The following SUPT3H variants were observed in gnomAD, a reference collection of about 807,000 sequenced individuals.
The protein encoded by SUPT3H is transcription initiation protein SPT3 homolog.
SUPT3H carries 44 observed loss-of-function variants against 44.3 expected under a neutral mutation model. That is an observed-to-expected ratio of 0.99 (90% confidence interval 0.78 to 1.28). The LOEUF is 1.28. SUPT3H is among the 50% of genes most tolerant of loss of function. SUPT3H has a pLI of 0.00. For missense variants in SUPT3H, 380 were observed against 387.1 expected, an observed-to-expected ratio of 0.98 and a Z score of 0.15; for synonymous variants, 124 against 125.6, an observed-to-expected ratio of 0.99 and a Z score of 0.09.
At chr6:45,117,678 TATGA>T (rs1274863454) in intron 2 of SUPT3H, among the ~76,000 whole-genome samples, 3 of 152,116 alleles carry the variant, frequency 2.0e-5, no homozygotes, top group Non-Finnish European at 4.4e-5. Context: ...GCTCTCAGAA[TATGA>T]ATAAAACTAT....
intron 2 of SUPT3H, among the ~76,000 whole-genome samples, chr6:45,263,599 T>A (rs28583363): frequency 0.23 from 34,547 of 151,990 alleles, 4,613 homozygotes; most frequent in Non-Finnish European, 0.31. Flanking sequence ...TTTACCCACG[T>A]AACAAACCTG....
chr6:44,882,258 T>A (rs1778362752), intron 10 of SUPT3H, among the ~76,000 whole-genome samples: 1 of 152,112 alleles, frequency 6.6e-6, no homozygotes, highest in Admixed American at 6.5e-5. Flanking sequence ...TATAAACACC[T>A]CTACGCAAAT....
chr6:45,285,344 C>T (rs373823895), intron 2 of SUPT3H, among the ~76,000 whole-genome samples: 1 of 152,098 alleles, frequency 6.6e-6, no homozygotes, highest in African/African-American at 2.4e-5. Context: ...CTAGAAAACC[C>T]CACCGTCTCA....
chr6:45,330,297 T>C (rs1787199393), intron 2 of SUPT3H, among the ~76,000 whole-genome samples: 1 of 151,864 alleles, frequency 6.6e-6, no homozygotes, highest in African/African-American at 2.4e-5. Flanking sequence ...TAGACTACAT[T>C]ACAACACATA....
chr6:45,024,302 C>T (rs1173245214), intron 3 of SUPT3H, among the ~76,000 whole-genome samples: 1 of 152,118 alleles, frequency 6.6e-6, no homozygotes, highest in African/African-American at 2.4e-5. Context: ...AATCTGTTCT[C>T]AATTTCACAT....
intron 10 of SUPT3H, among the ~76,000 whole-genome samples, chr6:44,863,988 T>C (rs1174693204): frequency 6.6e-6 from 1 of 151,784 alleles, no homozygotes; most frequent in Non-Finnish European, 1.5e-5. Context: ...GTGGGAATTA[T>C]GGGAGTACAA....
chr6:44,922,955 AG>A (rs1216561314), intron 10 of SUPT3H, among the ~76,000 whole-genome samples: 1 of 152,128 alleles, frequency 6.6e-6, no homozygotes, highest in African/African-American at 2.4e-5. Context: ...TTTCCTTTTC[AG>A]AGTCACTCCA....
chr6:44,891,745 C>T (rs1188184703), intron 10 of SUPT3H, among the ~76,000 whole-genome samples: 1 of 150,984 alleles, frequency 6.6e-6, no homozygotes, highest in Non-Finnish European at 1.5e-5. Flanking sequence ...AATGGTTACA[C>T]TGGTAAATTT....
At chr6:45,103,156 C>A (rs1415908354) in intron 3 of SUPT3H, among the ~76,000 whole-genome samples, 1 of 152,134 alleles carries the variant, frequency 6.6e-6, no homozygotes, top group African/African-American at 2.4e-5. Flanking sequence ...AGAACTCACT[C>A]TGACATATGC....
chr6:45,312,871 T>C (rs1300415446), intron 2 of SUPT3H, among the ~76,000 whole-genome samples: 2 of 152,088 alleles, frequency 1.3e-5, no homozygotes, highest in Non-Finnish European at 2.9e-5. Flanking sequence ...TTCGCCAAGA[T>C]AGACCATATG....
Position 45,067,063 on chromosome 6 carries a change from T to G in SUPT3H, c.186+38859A>C, listed in dbSNP as rs200252134. Among the ~76,000 whole-genome samples the G allele has an allele frequency of 1.2e-4, 17 of 143,472 alleles. No homozygotes were observed. The East Asian group carries it at 3.6e-3, about 30-fold the overall frequency. 94.1% of individuals were successfully genotyped at this position (143,472 alleles called of 152,430 possible). On this transcript the variant is annotated intron_variant, in intron 3 of 10. Coordinates refer to ENST00000371459, the MANE Select transcript of SUPT3H (RefSeq NM_003599.4). Reference sequence around the variant, plus strand: ...CATCACACTACCTGACTTCAAACTATACTATAAGGCTACAGTAACCAAAAC... The same window carrying G: ...CATCACACTACCTGACTTCAAACTAGACTATAAGGCTACAGTAACCAAAAC...
chr6:44,927,657 T>A (rs530769885), intron 10 of SUPT3H, among the ~76,000 whole-genome samples: 2 of 152,214 alleles, frequency 1.3e-5, no homozygotes, highest in Non-Finnish European at 2.9e-5. Context: ...AAGACTTATT[T>A]ATGATGATCA....
At chr6:45,329,875 C>T (rs376230491) in intron 2 of SUPT3H, among the ~76,000 whole-genome samples, 2 of 151,862 alleles carry the variant, frequency 1.3e-5, no homozygotes, top group Admixed American at 6.6e-5. Context: ...AACTACAAGG[C>T]AAGTTTTCAA....
At chr6:45,249,606 G>T (rs983146436) in intron 2 of SUPT3H, among the ~76,000 whole-genome samples, 7 of 152,154 alleles carry the variant, frequency 4.6e-5, no homozygotes, top group Non-Finnish European at 5.9e-5. Context: ...ACAAAGTTCG[G>T]GACCTGAAGG....
chr6:44,976,320 C>T lies in SUPT3H; in HGVS notation c.505-14492G>A, dbSNP rs550614161. Among the ~76,000 whole-genome samples the T allele has an allele frequency of 2.6e-5, 4 of 151,826 alleles. No individual in the cohort carries two copies. In the East Asian group the frequency reaches 7.7e-4, roughly 29 times the overall value. ...TGTAGTAAACGTAAATTCCTAAATA[C>T]TTAAGAAAAAGCAGAAATGTCTACA... On this transcript the variant is annotated intron_variant, in intron 6 of 10. Coordinates refer to ENST00000371459, the MANE Select transcript of SUPT3H (RefSeq NM_003599.4).
chr6:44,997,720 G>T (rs1199346328), intron 6 of SUPT3H, among the ~76,000 whole-genome samples: 1 of 151,754 alleles, frequency 6.6e-6, no homozygotes, highest in African/African-American at 2.4e-5. Context: ...GGGCATTCCA[G>T]AATTTGACAG....
chr6:44,844,570 T>A (rs1771555726), intron 10 of SUPT3H, among the ~76,000 whole-genome samples: 1 of 152,244 alleles, frequency 6.6e-6, no homozygotes, highest in African/African-American at 2.4e-5. Flanking sequence ...AAGGAATGTA[T>A]TATTGATATA....
At position 44,961,822 on chromosome 6, in the gene SUPT3H, C is replaced by G. The variant is rs1393683061; in HGVS notation, c.511G>C (p.Glu171Gln). 1.9e-6 allele frequency: 3 copies of G among 1,606,332 alleles called. No individual in the cohort carries two copies. Among genetic ancestry groups the G allele is most frequent in the Non-Finnish European group, 2.5e-6 (3 of 1,176,798 alleles). Residue 171 changes from glutamate to glutamine, a missense_variant, in exon 7 of 11, where the codon GAA (glutamate) becomes CAA (glutamine). Physicochemically the swap from Glu to Gln is conservative, Grantham distance 29. Transcript: ENST00000371459. ...GAATCCATAATTCGAGTTTGTCTTT[C>G]TGCTCTCTAAAAGATAAAAATACAT... Reference protein sequence around the residue: ...EVKQERMERAERQTRIMDSAQ... With the variant: ...EVKQERMERAQRQTRIMDSAQ...
intron 1 of SUPT3H, among the ~76,000 whole-genome samples, chr6:45,373,604 T>C (rs2150319152): frequency 6.6e-6 from 1 of 152,088 alleles, no homozygotes; most frequent in East Asian, 1.9e-4. Context: ...CAGGCTGGAG[T>C]GCAGTGCACG....
Sources: gnomAD v4.1 joint callset for allele counts (sites outside exome capture counted in the v4.1 genomes callset) on GRCh38, gnomAD v4.1.1 for gene constraint, MANE v1.5 for transcripts, NCBI Gene and HGNC (gene_info 2026-07-23, HGNC 2026-07-21) for gene names.